NEDD4L: variants seen among roughly 807,000 people sequenced by gnomAD.
NEDD4L encodes the protein NEDD4 like E3 ubiquitin protein ligase.
A neutral mutation model predicts 148.9 loss-of-function variants in NEDD4L; 54 were observed. The ratio of observed to expected loss-of-function variants is 0.36; its 90% CI spans 0.29 to 0.45. The LOEUF (loss-of-function observed/expected upper bound fraction) is 0.45, where lower values mean the gene tolerates loss of function less well. Among genes scored for constraint, NEDD4L ranks in the 20% least tolerant of loss-of-function variants. The pLI is 1.00. For missense variants in NEDD4L, 856 were observed against 1,233.8 expected (o/e 0.69, Z 4.59); for synonymous variants, 433 against 440.7 (o/e 0.98, Z 0.22).
chr18:58,295,435 C>A (rs1010802720), intron 5 of NEDD4L, among the ~76,000 whole-genome samples: 20 of 152,152 alleles, frequency 1.3e-4, no homozygotes, highest in African/African-American at 4.6e-4. Flanking sequence ...CGTGCCTCTT[C>A]ATGGCCTGAT....
At chr18:58,339,044 A>G (rs2042114980) in intron 13 of NEDD4L, among the ~76,000 whole-genome samples, 1 of 151,914 alleles carries the variant, frequency 6.6e-6, no homozygotes, top group African/African-American at 2.4e-5. Context: ...CTTTCCAGAG[A>G]TTGAGTAACT....
Position 58,256,663 on chromosome 18 carries a change from C to A in NEDD4L, c.297+4609C>A, listed in dbSNP as rs926456163. Reference sequence around the variant, plus strand: ...CATTTAAGATCAGGCAGGATCAGAACGCGGGGCAGCAGCATTTTAGAATTC... The same window carrying A: ...CATTTAAGATCAGGCAGGATCAGAAAGCGGGGCAGCAGCATTTTAGAATTC... On this transcript the variant is annotated intron_variant, in intron 5 of 30. Coordinates refer to ENST00000400345, the MANE Select transcript of NEDD4L (RefSeq NM_001144967.3). The surrounding 1 kb of genome is among the most constrained non-coding windows in gnomAD (Gnocchi z 5.2). 8.1e-6 allele frequency: 10 copies of A among 1,232,074 alleles called. No individual in the cohort carries two copies. The highest frequency in any genetic ancestry group is 1.0e-5 in the Non-Finnish European group (10 of 988,026). The allele number at this position is 1,232,074 out of a possible 1,614,324, so 76.3% of individuals were successfully genotyped here. A position where few individuals can be genotyped will look rare whatever the true frequency, so the allele number is the denominator to read the frequency against.
chr18:58,233,333 G>A (rs369394277), intron 2 of NEDD4L, among the ~76,000 whole-genome samples: 1 of 152,330 alleles, frequency 6.6e-6, no homozygotes, highest in South Asian at 2.1e-4. Flanking sequence ...GAGGTTTAAT[G>A]TACTCAGTTC....
chr18:58,153,016 G>A (rs1014212110), intron 1 of NEDD4L, among the ~76,000 whole-genome samples: 2 of 152,160 alleles, frequency 1.3e-5, no homozygotes, highest in Non-Finnish European at 2.9e-5. Flanking sequence ...GGGTTTTAGG[G>A]GAAGGAGAGT....
At chr18:58,194,029 G>A (rs893576731) in intron 2 of NEDD4L, 1 of 152,236 alleles carries the variant, frequency 6.6e-6, no homozygotes, top group Admixed American at 6.5e-5. Context: ...ACGCGAGGTG[G>A]GTAGGGAAGA....
chr18:58,088,994 C>T (rs1356001968), intron 1 of NEDD4L, among the ~76,000 whole-genome samples: 1 of 152,122 alleles, frequency 6.6e-6, no homozygotes, highest in Non-Finnish European at 1.5e-5. Flanking sequence ...ATAAGGTCCC[C>T]ACTCGCCTAC....
intron 2 of NEDD4L, among the ~76,000 whole-genome samples, chr18:58,239,165 G>A (rs1261626398): frequency 6.6e-6 from 1 of 152,354 alleles, no homozygotes; most frequent in African/African-American, 2.4e-5. Flanking sequence ...GAAATTTGCT[G>A]TATAGTGCTG....
intron 2 of NEDD4L, among the ~76,000 whole-genome samples, chr18:58,206,499 T>C (rs2042001593): frequency 6.6e-6 from 1 of 152,180 alleles, no homozygotes; most frequent in Non-Finnish European, 1.5e-5. Flanking sequence ...TCCAGTCAAA[T>C]GTAACCAGTT....
At chr18:58,348,647 G>T (rs953243128) in intron 16 of NEDD4L, among the ~76,000 whole-genome samples, 2 of 152,148 alleles carry the variant, frequency 1.3e-5, no homozygotes, top group African/African-American at 4.8e-5. Context: ...ACATAAGTGA[G>T]AGTCAGCTCC....
chr18:58,335,402 C>T (rs1252630975), intron 12 of NEDD4L, 76 bp from the exon 13 acceptor site: 1 of 1,210,892 alleles, frequency 8.3e-7, no homozygotes, highest in African/African-American at 1.5e-5. Context: ...AGCGCTGCCA[C>T]AGCAGTGGGC....
intron 24 of NEDD4L, among the ~76,000 whole-genome samples, chr18:58,374,397 G>A (rs1252158790): frequency 1.3e-5 from 2 of 152,128 alleles, no homozygotes; most frequent in Non-Finnish European, 2.9e-5. Flanking sequence ...AAGAGACCTT[G>A]TGGCTTAATG....
chr18:58,160,000 C>G (rs1417376526), intron 1 of NEDD4L, among the ~76,000 whole-genome samples: 1 of 152,176 alleles, frequency 6.6e-6, no homozygotes, highest in African/African-American at 2.4e-5. Flanking sequence ...CAGATACCAT[C>G]TTTTTAGGAG....
chr18:58,151,883 A>G (rs2034815476), intron 1 of NEDD4L, among the ~76,000 whole-genome samples: 1 of 152,100 alleles, frequency 6.6e-6, no homozygotes, highest in African/African-American at 2.4e-5. Context: ...CTTCAGGGTC[A>G]GGACAGGAAG....
At chr18:58,149,507 A>G in intron 1 of NEDD4L, 1 of 1,551,412 alleles carries the variant, frequency 6.4e-7, no homozygotes, top group Middle Eastern at 1.7e-4. Context: ...CCTTTAATGC[A>G]CTAAACCTTT....
At chr18:58,234,948 C>T (rs977958567) in intron 2 of NEDD4L, among the ~76,000 whole-genome samples, 3 of 151,966 alleles carry the variant, frequency 2.0e-5, no homozygotes, top group South Asian at 2.1e-4. Flanking sequence ...CCCTTCCCTC[C>T]GACAATTTCG....
intron 16 of NEDD4L, among the ~76,000 whole-genome samples, chr18:58,349,151 G>C (rs1425599607): frequency 2.6e-5 from 4 of 152,038 alleles, no homozygotes; most frequent in African/African-American, 7.2e-5. Flanking sequence ...CCGGGAGCTC[G>C]GGACCCATGG....
At chr18:58,320,872 T>G (rs549819606) in intron 6 of NEDD4L, among the ~76,000 whole-genome samples, 24 of 152,292 alleles carry the variant, frequency 1.6e-4, no homozygotes, top group African/African-American at 5.5e-4. Context: ...CCAGCAATAG[T>G]TTTCTTAATA....
intron 5 of NEDD4L, among the ~76,000 whole-genome samples, chr18:58,293,792 A>T (rs1250653158): frequency 1.4e-4 from 21 of 152,166 alleles, no homozygotes; most frequent in Admixed American, 1.4e-3. Context: ...GTGCAGTCTC[A>T]ACTCACTGCA....
intron 1 of NEDD4L, among the ~76,000 whole-genome samples, chr18:58,083,201 A>G (rs981806085): frequency 6.6e-6 from 1 of 152,236 alleles, no homozygotes; most frequent in African/African-American, 2.4e-5. Flanking sequence ...AGTGGTATAT[A>G]TACGAGAAGT....
Sources: gnomAD v4.1 joint callset for allele counts (sites outside exome capture counted in the v4.1 genomes callset) on GRCh38, gnomAD v4.1.1 for gene constraint, Gnocchi (gnomAD v3.1) non-coding constraint, MANE v1.5 for transcripts, NCBI Gene and HGNC (gene_info 2026-07-23, HGNC 2026-07-21) for gene names.